Variants in FMNL2 observed in about 807,000 individuals in gnomAD.
The protein encoded by FMNL2 is formin-like protein 2.
A neutral mutation model predicts 130.2 loss-of-function variants in FMNL2; 51 were observed. The observed-to-expected ratio is 0.39, with a 90% CI of 0.31 to 0.49. FMNL2 has a LOEUF of 0.49. Among genes scored for constraint, FMNL2 ranks in the 20% least tolerant of loss-of-function variants. The pLI is 0.85. For missense variants in FMNL2, 977 were observed against 1,316.2 expected (o/e 0.74, Z 3.99); for synonymous variants, 465 against 467.1 (o/e 1.00, Z 0.06).
At chr2:152,585,656 G>A (rs61747976) in intron 9 of FMNL2, among the ~76,000 whole-genome samples, 104 of 152,198 alleles carry the variant, frequency 6.8e-4, no homozygotes, top group African/African-American at 2.5e-3. Flanking sequence ...TTCTGGTCAT[G>A]CTTTTTCTTC....
At chr2:152,364,506 C>G (rs776478714) in intron 1 of FMNL2, among the ~76,000 whole-genome samples, 1 of 151,934 alleles carries the variant, frequency 6.6e-6, no homozygotes, top group Non-Finnish European at 1.5e-5. Context: ...ATTAGTAAAC[C>G]GTAAAACATA....
At chr2:152,373,892 A>G (rs1684026860) in intron 1 of FMNL2, among the ~76,000 whole-genome samples, 1 of 152,108 alleles carries the variant, frequency 6.6e-6, no homozygotes, top group South Asian at 2.1e-4. Flanking sequence ...TGCACTAGAA[A>G]TCAGAACACA....
intron 9 of FMNL2, among the ~76,000 whole-genome samples, chr2:152,601,237 A>G (rs1698030505): frequency 6.6e-6 from 1 of 150,860 alleles, no homozygotes; most frequent in Non-Finnish European, 1.5e-5. Flanking sequence ...TCTGTAACCC[A>G]TATAGTTTCT....
At position 152,347,948 on chromosome 2, in the gene FMNL2, G is replaced by A. The variant is rs978775667; in HGVS notation, c.117+12228G>A. On this transcript the variant is annotated intron_variant, in intron 1 of 25. Coordinates refer to ENST00000288670, the MANE Select transcript of FMNL2 (RefSeq NM_052905.4). The stretch of plus-strand genomic sequence containing the variant: ...TGGAAGTTTTTTTTTTTTCTTTTTC[G>A]TTTTTTAATCCCTGTCCCCAGATTA... 1.1e-4 allele frequency among the ~76,000 whole-genome samples: 16 copies of A among 146,206 alleles called. No individual in the cohort carries two copies. In the South Asian group the frequency reaches 3.0e-3, roughly 28 times the overall value.
At chr2:152,574,482 C>T (rs867229376) in intron 6 of FMNL2, among the ~76,000 whole-genome samples, 6 of 148,852 alleles carry the variant, frequency 4.0e-5, no homozygotes, top group East Asian at 2.0e-4. Context: ...TAAGGTTTGT[C>T]TACTTGCTGG....
chr2:152,523,131 A>G (rs948860030), intron 2 of FMNL2, among the ~76,000 whole-genome samples: 1 of 152,240 alleles, frequency 6.6e-6, no homozygotes, highest in Non-Finnish European at 1.5e-5. Context: ...GTTAACAGGA[A>G]AGGTACACAA....
chr2:152,433,402 C>A (rs1226195486), intron 1 of FMNL2, among the ~76,000 whole-genome samples: 3 of 152,134 alleles, frequency 2.0e-5, no homozygotes, highest in Admixed American at 6.5e-5. Context: ...GTTTGTAGAG[C>A]AGAAGACTTA....
At chr2:152,431,942 G>A (rs76589349) in intron 1 of FMNL2, among the ~76,000 whole-genome samples, 2 of 122,892 alleles carry the variant, frequency 1.6e-5, no homozygotes, top group African/African-American at 6.9e-5. Context: ...CCTGGTCTGG[G>A]CAACAGAGTG....
chr2:152,353,636 C>G (rs921723168), intron 1 of FMNL2, among the ~76,000 whole-genome samples: 17 of 152,176 alleles, frequency 1.1e-4, no homozygotes, highest in African/African-American at 4.1e-4. Flanking sequence ...GCCTTGGTAG[C>G]CACATCCGTC....
chr2:152,497,341 A>G (rs1254624402), intron 1 of FMNL2, among the ~76,000 whole-genome samples: 17 of 152,134 alleles, frequency 1.1e-4, no homozygotes, highest in Admixed American at 1.1e-3. Flanking sequence ...GTGTTAGAAT[A>G]GAGTACTGTT....
At chr2:152,406,642 T>C (rs1177260010) in intron 1 of FMNL2, among the ~76,000 whole-genome samples, 1 of 152,200 alleles carries the variant, frequency 6.6e-6, no homozygotes, top group Non-Finnish European at 1.5e-5. Context: ...TTTATCTGAG[T>C]TGAGTCATTG....
In FMNL2 at chr2:152,630,053, G is replaced by A. The variant is rs183265114; in HGVS notation, c.2550+148G>A. On this transcript the variant is annotated intron_variant, in intron 20 of 25. Coordinates refer to ENST00000288670, the MANE Select transcript of FMNL2 (RefSeq NM_052905.4). ...ATTTTCTGGAACACCATTTGACAGAGAGCACATAGAACCTATAATTACTCA... is the reference window on the plus strand; with the variant it reads ...ATTTTCTGGAACACCATTTGACAGAAAGCACATAGAACCTATAATTACTCA... The A allele has an allele frequency of 4.4e-6, 3 of 686,840 alleles. 1 individual carries two copies. The Admixed American group carries it at 8.8e-5, about 20-fold the overall frequency. The allele number at this position is 686,840 out of a possible 1,614,324, so 42.5% of individuals were successfully genotyped here.
At chr2:152,645,408 TTG>T (rs1683462524) in intron 25 of FMNL2, 4 of 1,238,584 alleles carry the variant, frequency 3.2e-6, no homozygotes, top group Non-Finnish European at 4.2e-6. Context: ...AACCATCATT[TTG>T]TGTTTTTGTT....
chr2:152,456,936 CAAA>C (rs59672196), intron 1 of FMNL2, among the ~76,000 whole-genome samples: 2,534 of 96,664 alleles, frequency 0.026, 78 homozygotes, highest in African/African-American at 0.079. Context: ...GACTCCCTTT[CAAA>C]AAAAAAAAAA....
At chr2:152,404,165 C>T (rs1338005501) in intron 1 of FMNL2, among the ~76,000 whole-genome samples, 2 of 152,198 alleles carry the variant, frequency 1.3e-5, no homozygotes, top group African/African-American at 2.4e-5. Context: ...TTCAGACTTC[C>T]ATCTCTGGGT....
intron 23 of FMNL2, among the ~76,000 whole-genome samples, chr2:152,639,675 C>CACCT (rs1410821466): frequency 1.3e-5 from 2 of 152,072 alleles, no homozygotes; most frequent in Non-Finnish European, 2.9e-5. Flanking sequence ...GGTAGGTGCC[C>CACCT]ACCAGTGTGT....
At chr2:152,539,696 T>C (rs1694195969) in intron 2 of FMNL2, among the ~76,000 whole-genome samples, 1 of 152,158 alleles carries the variant, frequency 6.6e-6, no homozygotes, top group Non-Finnish European at 1.5e-5. Flanking sequence ...CCTAAGGAAA[T>C]ATAGTCCAGT....
chr2:152,457,751 C>A (rs1455875671), intron 1 of FMNL2, among the ~76,000 whole-genome samples: 3 of 152,220 alleles, frequency 2.0e-5, no homozygotes, highest in African/African-American at 4.8e-5. Flanking sequence ...ATGGGTCCCA[C>A]TGGGCTAAAA....
chr2:152,594,844 C>G (rs893873294), intron 9 of FMNL2, among the ~76,000 whole-genome samples: 1 of 152,178 alleles, frequency 6.6e-6, no homozygotes, highest in African/African-American at 2.4e-5. Context: ...AATATATAGT[C>G]AGACTCGGTT....
Sources: gnomAD v4.1 joint callset for allele counts (sites outside exome capture counted in the v4.1 genomes callset) on GRCh38, gnomAD v4.1.1 for gene constraint, MANE v1.5 for transcripts, NCBI Gene and HGNC (gene_info 2026-07-23, HGNC 2026-07-21) for gene names.